The following ABCB4 variants were observed in gnomAD, a reference collection of about 807,000 sequenced individuals.
ABCB4 encodes phosphatidylcholine translocator ABCB4.
In ABCB4, 76 loss-of-function variants were observed where a neutral mutation model predicts 145.7. That is an observed-to-expected ratio of 0.52 (90% confidence interval 0.43 to 0.63). ABCB4 has a LOEUF of 0.63. Among genes scored for constraint, ABCB4 ranks in the 30% least tolerant of loss-of-function variants. The probability of loss-of-function intolerance (pLI) is 0.00; values close to 1 mark genes in which losing one functional copy is unlikely to be tolerated. For synonymous variants in ABCB4, 517 were observed against 566.8 expected, an observed-to-expected ratio of 0.91 and a Z score of 1.25; for missense variants, 1,234 against 1,553.1, an observed-to-expected ratio of 0.79 and a Z score of 3.45.
At chr7:87,454,685 T>A in intron 4 of ABCB4, 93 bp from the exon 5 acceptor site, 1 of 948,446 alleles carries the variant, frequency 1.1e-6, no homozygotes, top group Non-Finnish European at 1.6e-6. Flanking sequence ...TTTAAATGTA[T>A]GAAAGCTAGA....
intron 19 of ABCB4, among the ~76,000 whole-genome samples, chr7:87,418,836 G>C (rs1469246977): frequency 6.6e-6 from 1 of 152,040 alleles, no homozygotes; most frequent in Non-Finnish European, 1.5e-5. Context: ...CTCTGGTCTA[G>C]GGGGGCAGGG....
chr7:87,417,395 T>C lies in ABCB4; in HGVS notation c.2599A>G (p.Ile867Val). The part of the protein sequence containing the change: ...TLLLLAVVPI[I>V]AVSGIVEMKL... Reference sequence around the variant, plus strand: ...ATTTCAACAATTCCTGACACAGCAATAATTGGAACAACTGCTAATAGCAAT... The same window carrying C: ...ATTTCAACAATTCCTGACACAGCAACAATTGGAACAACTGCTAATAGCAAT... The change falls in exon 21 of 28, where the codon ATT becomes GTT. Residue 867 changes from isoleucine (I) to valine (V), a missense_variant. By Grantham distance (29) the Ile-to-Val change is conservative. Coordinates refer to ENST00000649586, the MANE Select transcript of ABCB4 (RefSeq NM_000443.4). The C allele has an allele frequency of 6.2e-7, 1 of 1,614,112 alleles. No individual in the cohort carries two copies. Among genetic ancestry groups the C allele is most frequent in the Non-Finnish European group, 8.5e-7 (1 of 1,180,004 alleles).
At chr7:87,422,969 A>G (rs2116521705) in intron 17 of ABCB4, among the ~76,000 whole-genome samples, 1 of 152,296 alleles carries the variant, frequency 6.6e-6, no homozygotes, top group Non-Finnish European at 1.5e-5. Context: ...CCCAAAATAT[A>G]TAGTCCACAT....
In ABCB4 at chr7:87,472,334, C is replaced by A. The variant is rs187807909; in HGVS notation, c.135+287G>T. The stretch of plus-strand genomic sequence containing the variant: ...CCTAAGACCCTCCTGCCTCAGCCTC[C>A]CAAGTAGCTGGGACTACAGGTTCAT... On this transcript the variant is annotated intron_variant, in intron 3 of 27. Transcript: ENST00000649586. Among the ~76,000 whole-genome samples, 445 of 152,212 alleles carry A rather than the reference C, an allele frequency of 2.9e-3. 4 individuals are homozygous for A. Among genetic ancestry groups the A allele is most frequent in the African/African-American group, 0.01 (421 of 41,530 alleles).
the ABCB4 span, chr7:87,369,601 C>T: frequency 2.4e-6 from 1 of 412,766 alleles, no homozygotes; most frequent in Non-Finnish European, 4.2e-6. Context: ...GAATTTTATG[C>T]ATGCTTTTTT....
chr7:87,372,654 T>C, the ABCB4 span, among the ~76,000 whole-genome samples: 1 of 152,208 alleles, frequency 6.6e-6, no homozygotes, highest in African/African-American at 2.4e-5. Context: ...TCTGCCTCTA[T>C]AAATGTGCCT....
downstream of ABCB4, among the ~76,000 whole-genome samples, chr7:87,400,943 C>G (rs1286222731): frequency 1.3e-5 from 2 of 152,196 alleles, no homozygotes; most frequent in Non-Finnish European, 2.9e-5. Flanking sequence ...GAATAATCAC[C>G]TAGAGTGTAT....
At chr7:87,467,226 C>T (rs1353133025) in intron 3 of ABCB4, among the ~76,000 whole-genome samples, 1 of 151,572 alleles carries the variant, frequency 6.6e-6, no homozygotes, top group Non-Finnish European at 1.5e-5. Flanking sequence ...AAATGGAAAA[C>T]AAAAAAAGGC....
At chr7:87,447,722 CTCTT>C (rs1251365516) in intron 8 of ABCB4, among the ~76,000 whole-genome samples, 3 of 152,144 alleles carry the variant, frequency 2.0e-5, no homozygotes, top group Non-Finnish European at 4.4e-5. Flanking sequence ...ATAGGCTTCT[CTCTT>C]TGACTTTTTT....
chr7:87,372,005 A>AC, the ABCB4 span, among the ~76,000 whole-genome samples: 1 of 106,830 alleles, frequency 9.4e-6, no homozygotes, highest in African/African-American at 3.1e-5. Context: ...AAAAAAAAAA[A>AC]ACAAAAAAAA....
In ABCB4 at chr7:87,462,895, T is replaced by C; in HGVS notation, c.149A>G (p.Asp50Gly). The C allele has an allele frequency of 6.2e-7, 1 of 1,613,842 alleles. No individual in the cohort carries two copies. Among genetic ancestry groups the C allele is most frequent in the Non-Finnish European group, 8.5e-7 (1 of 1,179,826 alleles). The change falls in exon 4 of 28, where the codon GAT becomes GGT. Residue 50 changes from aspartate to glycine, a missense_variant. Coordinates refer to ENST00000649586, the MANE Select transcript of ABCB4 (RefSeq NM_000443.4). ...IGVLTLFRYS[D>G]WQDKLFMSLG... The stretch of plus-strand genomic sequence containing the variant: ...CGACATAAACAATTTATCCTGCCAA[T>C]CGGAGTATCGAAACTAAAAAAAGGA...
At chr7:87,419,976 A>G (rs762808047) in intron 19 of ABCB4, 22 bp downstream of exon 19, 5 of 1,609,906 alleles carry the variant, frequency 3.1e-6, no homozygotes, top group Middle Eastern at 1.6e-4. Flanking sequence ...ATCAGAAGGC[A>G]TTCTCCAGCG....
At chr7:87,369,406 T>C in the ABCB4 span, 2 of 1,612,882 alleles carry the variant, frequency 1.2e-6, no homozygotes, top group African/African-American at 1.3e-5. Context: ...AACCACATTG[T>C]AGTGCTGTGT....
chr7:87,427,003 A>G, intron 15 of ABCB4, 83 bp from the exon 16 acceptor site: 1 of 1,304,194 alleles, frequency 7.7e-7, no homozygotes, highest in South Asian at 1.2e-5. Context: ...GTAACCTCCA[A>G]GTTTAGAATC....
At chr7:87,454,845 C>T (rs150000784) in intron 4 of ABCB4, among the ~76,000 whole-genome samples, 27 of 152,278 alleles carry the variant, frequency 1.8e-4, no homozygotes, top group African/African-American at 6.3e-4. Context: ...CCAGGTCTTT[C>T]CCCCATCCTG....
chr7:87,467,931 C>T (rs553171430), intron 3 of ABCB4, among the ~76,000 whole-genome samples: 31 of 152,260 alleles, frequency 2.0e-4, no homozygotes, highest in African/African-American at 7.2e-4. Flanking sequence ...TAAATGCCCA[C>T]AAGAGAAAGC....
the ABCB4 span, among the ~76,000 whole-genome samples, chr7:87,373,218 T>C: frequency 9.8e-5 from 15 of 152,332 alleles, no homozygotes; most frequent in Middle Eastern, 3.4e-3. Flanking sequence ...ACATGCATTT[T>C]GGCCATTTGT....
chr7:87,407,686 A>T (rs866143833), intron 25 of ABCB4, among the ~76,000 whole-genome samples: 1 of 152,262 alleles, frequency 6.6e-6, no homozygotes, highest in East Asian at 1.9e-4. Context: ...ATAAGCAGGT[A>T]GCACCCTGTT....
chr7:87,393,342 C>T, the ABCB4 span, among the ~76,000 whole-genome samples: 2 of 152,024 alleles, frequency 1.3e-5, no homozygotes, highest in African/African-American at 4.8e-5. Flanking sequence ...ATCAGTACAC[C>T]CATGAACATA....
Sources: allele counts gnomAD v4.1 joint callset (sites outside exome capture counted in the v4.1 genomes callset), GRCh38; gene constraint gnomAD v4.1.1; transcripts MANE v1.5; gene names NCBI Gene and HGNC (gene_info 2026-07-23, HGNC 2026-07-21).